TANC2: variants seen among roughly 807,000 people sequenced by gnomAD.
The protein encoded by TANC2 is protein TANC2.
Under a neutral mutation model 210.5 loss-of-function variants are expected in TANC2, and 26 were observed. The observed-to-expected ratio is 0.12, with a 90% CI of 0.09 to 0.17. The LOEUF is 0.17. Among genes scored for constraint, TANC2 ranks in the 10% least tolerant of loss-of-function variants. TANC2 has a pLI of 1.00. For missense variants in TANC2, 2,129 were observed against 2,608.9 expected (o/e 0.82, Z 4.01); for synonymous variants, 931 against 967.1 (o/e 0.96, Z 0.69).
At chr17:63,134,804 A>T (rs1027696422) in intron 4 of TANC2, among the ~76,000 whole-genome samples, 5 of 152,190 alleles carry the variant, frequency 3.3e-5, no homozygotes, top group African/African-American at 4.8e-5. Flanking sequence ...ACTTTATCCT[A>T]TAATTTCTTT....
chr17:63,117,867 C>G (rs1007775113), intron 4 of TANC2, among the ~76,000 whole-genome samples: 3 of 152,128 alleles, frequency 2.0e-5, no homozygotes, highest in African/African-American at 4.8e-5. Context: ...AATTTGACAT[C>G]TAGTTTTCAA....
At chr17:63,352,906 A>C (rs878188) in intron 13 of TANC2, among the ~76,000 whole-genome samples, 4 of 152,168 alleles carry the variant, frequency 2.6e-5, no homozygotes, top group Admixed American at 2.6e-4. Context: ...ATATTTTAGT[A>C]AGGAACACAA....
chr17:63,272,535 A>G (rs890437692), intron 9 of TANC2, among the ~76,000 whole-genome samples: 11 of 152,148 alleles, frequency 7.2e-5, no homozygotes, highest in Admixed American at 2.6e-4. Flanking sequence ...AATCTTACCA[A>G]TTACTTTTGG....
At chr17:63,243,449 G>A (rs1191954552) in intron 8 of TANC2, among the ~76,000 whole-genome samples, 1 of 152,108 alleles carries the variant, frequency 6.6e-6, no homozygotes, top group African/African-American at 2.4e-5. Flanking sequence ...TCTAAAAACT[G>A]AAAACCATTC....
intron 14 of TANC2, among the ~76,000 whole-genome samples, chr17:63,369,546 A>G (rs1279390116): frequency 2.1e-5 from 3 of 146,186 alleles, no homozygotes; most frequent in Non-Finnish European, 4.5e-5. Flanking sequence ...AGGAATAATA[A>G]TTTCAGCTTT....
chr17:63,098,909 T>C (rs1271699001), intron 3 of TANC2, among the ~76,000 whole-genome samples: 1 of 152,158 alleles, frequency 6.6e-6, no homozygotes, highest in Non-Finnish European at 1.5e-5. Context: ...GGAAATTATT[T>C]TCTTGTATTT....
chr17:63,344,196 G>A (rs917740687), intron 12 of TANC2, among the ~76,000 whole-genome samples: 5 of 152,120 alleles, frequency 3.3e-5, no homozygotes, highest in South Asian at 2.1e-4. Flanking sequence ...TCTAGGTTGC[G>A]CACTTCATCT....
chr17:63,184,063 T>C (rs117256022), intron 5 of TANC2, among the ~76,000 whole-genome samples: 3,032 of 151,630 alleles, frequency 0.02, 239 homozygotes, highest in Admixed American at 0.15. Flanking sequence ...CTTTCCTGAG[T>C]GGGAAAAAAT....
intron 5 of TANC2, among the ~76,000 whole-genome samples, chr17:63,189,341 A>G (rs1234838924): frequency 6.6e-6 from 1 of 152,190 alleles, no homozygotes; most frequent in Non-Finnish European, 1.5e-5. Context: ...GGAACTGCCA[A>G]ACTATTTTCA....
intron 1 of TANC2, among the ~76,000 whole-genome samples, chr17:62,985,861 A>G (rs887326696): frequency 2.6e-5 from 4 of 152,068 alleles, no homozygotes; most frequent in African/African-American, 9.7e-5. Context: ...ATATTTCCTT[A>G]TGATTGAGAC....
At chr17:63,401,721 A>G (rs2048349621) in intron 19 of TANC2, among the ~76,000 whole-genome samples, 1 of 152,190 alleles carries the variant, frequency 6.6e-6, no homozygotes, top group African/African-American at 2.4e-5. Flanking sequence ...GAAGAAAAGC[A>G]AACAAGGTGA....
intron 3 of TANC2, among the ~76,000 whole-genome samples, chr17:63,093,326 T>C (rs2037273533): frequency 6.6e-6 from 1 of 152,148 alleles, no homozygotes; most frequent in African/African-American, 2.4e-5. Flanking sequence ...GTCCGTGTTT[T>C]TGCATTTGGA....
intron 2 of TANC2, among the ~76,000 whole-genome samples, chr17:63,061,348 CAA>C (rs199834738): frequency 0.03 from 4,502 of 151,512 alleles, 82 homozygotes; most frequent in South Asian, 0.037. Context: ...GCCTGGGTGA[CAA>C]GAGCGAAACT....
chr17:63,362,236 G>T (rs1269779145), intron 14 of TANC2, among the ~76,000 whole-genome samples: 1 of 152,212 alleles, frequency 6.6e-6, no homozygotes, highest in Non-Finnish European at 1.5e-5. Flanking sequence ...CAGGCAGGTT[G>T]TCTCATCTCT....
rs565650025 is a variant in TANC2, at chr17:63,134,885, G to T, written c.323-16385G>T. On this transcript the variant is annotated intron_variant, in intron 4 of 27. Coordinates refer to ENST00000689528, the Ensembl canonical transcript of TANC2. ...TTCTATCTTGAAAGATGCTGGAAAA[G>T]ATTTTTTTCTTCCAATTTAGGGGGC... is the stretch of plus-strand genomic sequence containing the variant. 4.6e-5 allele frequency among the ~76,000 whole-genome samples: 7 copies of T among 152,242 alleles called. No individual in the cohort carries two copies. In the East Asian group the frequency reaches 9.6e-4, roughly 21 times the overall value.
chr17:63,245,012 G>T (rs1452814766), intron 8 of TANC2, among the ~76,000 whole-genome samples: 2 of 152,172 alleles, frequency 1.3e-5, no homozygotes, highest in African/African-American at 4.8e-5. Context: ...AAATTACCCA[G>T]TCTAGGGTAC....
rs186388390 is a variant in TANC2 at position 63,284,480 on chromosome 17, C to T, written c.1159+16607C>T. ...ACTTTTTTTTAAAGCATTTCATTTG[C>T]GTTCCATTCAAAATACTTTCAAATT... On this transcript the variant is annotated intron_variant, in intron 9 of 27. Transcript: ENST00000689528. Among the ~76,000 whole-genome samples, 13 of 151,790 alleles carry T rather than the reference C, an allele frequency of 8.6e-5. No individual in the cohort carries two copies. In the East Asian group the frequency reaches 1.5e-3, roughly 18 times the overall value.
intron 6 of TANC2, among the ~76,000 whole-genome samples, chr17:63,199,143 A>T (rs1207214437): frequency 1.3e-5 from 2 of 152,216 alleles, no homozygotes; most frequent in Non-Finnish European, 2.9e-5. Flanking sequence ...AAGAGCCTTA[A>T]TATTCTCATA....
chr17:63,382,704 G>A (rs2147101242), intron 15 of TANC2, among the ~76,000 whole-genome samples: 1 of 152,290 alleles, frequency 6.6e-6, no homozygotes, highest in South Asian at 2.1e-4. Flanking sequence ...CTCCCTTAGA[G>A]ATAACTCCTA....
Sources: gnomAD v4.1 joint callset for allele counts (sites outside exome capture counted in the v4.1 genomes callset) on GRCh38, gnomAD v4.1.1 for gene constraint, MANE v1.5 for transcripts, NCBI Gene and HGNC (gene_info 2026-07-23, HGNC 2026-07-21) for gene names.